Variants in EPHB3 observed in about 807,000 individuals in gnomAD.
EPHB3 encodes ephrin type-B receptor 3.
In EPHB3, 33 loss-of-function variants were observed where a neutral mutation model predicts 100.2. The ratio of observed to expected loss-of-function variants is 0.33; its 90% confidence interval spans 0.25 to 0.44. The LOEUF (loss-of-function observed/expected upper bound fraction) is 0.44, where lower values mean the gene tolerates loss of function less well. Among genes scored for constraint, EPHB3 ranks in the 20% least tolerant of loss-of-function variants. The pLI is 1.00. For synonymous variants in EPHB3, 526 were observed against 554.7 expected, an observed-to-expected ratio of 0.95 and a Z score of 0.73; for missense variants, 1,045 against 1,378.3, an observed-to-expected ratio of 0.76 and a Z score of 3.83.
At chr3:184,564,159 G>A (rs777167281) in intron 1 of EPHB3, among the ~76,000 whole-genome samples, 5 of 152,210 alleles carry the variant, frequency 3.3e-5, no homozygotes, top group Non-Finnish European at 5.9e-5. Context: ...CCGGGAAGAG[G>A]GGGCAGCAGG....
Position 184,580,447 on chromosome 3 carries a change from C to A in EPHB3, c.2218C>A (p.Arg740=). 1 of 1,614,194 alleles carries A rather than the reference C, an allele frequency of 6.2e-7. No homozygotes were observed. Among genetic ancestry groups the A allele is most frequent in the Non-Finnish European group, 8.5e-7 (1 of 1,180,024 alleles). The change falls in exon 12 of 16, where the codon CGG becomes AGG. Residue 740 remains arginine (R), a synonymous_variant. Transcript: ENST00000330394. The part of the protein sequence containing the change: ...FTVIQLVGML[R]GIAAGMKYLS... ...GGTCATCCAGCTGGTGGGCATGTTG[C>A]GGGGCATTGCTGCCGGCATGAAGTA...
intron 1 of EPHB3, among the ~76,000 whole-genome samples, chr3:184,568,319 GTCTAGGGTGGCCAGCCTC>G (rs1229001071): frequency 6.6e-6 from 1 of 152,188 alleles, no homozygotes; most frequent in Non-Finnish European, 1.5e-5. Flanking sequence ...ACAGCCCAGT[GTCTAGGGTGGCCAGCCTC>G]TTCTCCCCTC....
At position 184,573,637 on chromosome 3, in the gene EPHB3, GCA is replaced by G. The variant is rs1714597926; in HGVS notation, c.856+464_856+465del. Among the ~76,000 whole-genome samples the G allele has an allele frequency of 6.6e-6, 1 of 152,026 alleles. No individual in the cohort carries two copies. The highest frequency in any genetic ancestry group is 2.4e-5 in the African/African-American group (1 of 41,378). On this transcript the variant is annotated intron_variant, in intron 3 of 15. Transcript: ENST00000330394. The surrounding 1 kb of genome is among the most constrained non-coding windows in gnomAD (Gnocchi z 4.5). ...CCCCTTGGGAGGCAGTATATAAATG[GCA>G]CAGTGGTTAGGGGCCCAGTCCCTGA...
At position 184,570,223 on chromosome 3, in the gene EPHB3, G is replaced by A. The variant is rs148331770; in HGVS notation, c.119-1095G>A. Among the ~76,000 whole-genome samples, 309 of 152,296 alleles carry A rather than the reference G, an allele frequency of 2.0e-3. 4 individuals are homozygous for A. Among genetic ancestry groups the A allele is most frequent in the African/African-American group, 7.2e-3 (300 of 41,560 alleles). ...GGAAGGCTTCCTGGAGGAGGCAACA[G>A]CTCTGTTGGGACTTAAATGATAGGC... On this transcript the variant is annotated intron_variant, in intron 1 of 15. Transcript: ENST00000330394.
In EPHB3 at chr3:184,580,592, C is replaced by A. The variant is rs146519815; in HGVS notation, c.2363C>A (p.Ser788Tyr). 1 of 1,614,180 alleles carries A rather than the reference C, an allele frequency of 6.2e-7. No homozygotes were observed. The highest frequency in any genetic ancestry group is 8.5e-7 in the Non-Finnish European group (1 of 1,180,002). ...TCCCGCTTCCTGGAGGATGACCCCT[C>A]CGATCCTACCTACACCAGTTCCCTG... ...GLSRFLEDDPSDPTYTSSLGG... is the reference protein window; with the variant it reads ...GLSRFLEDDPYDPTYTSSLGG... Residue 788 changes from serine (S) to tyrosine (Y), a missense_variant, in exon 12 of 16, where the codon TCC (serine) becomes TAC (tyrosine). Coordinates refer to ENST00000330394, the MANE Select transcript of EPHB3 (RefSeq NM_004443.4).
intron 1 of EPHB3, among the ~76,000 whole-genome samples, chr3:184,564,929 T>C (rs962140576): frequency 3.9e-5 from 6 of 152,184 alleles, no homozygotes; most frequent in African/African-American, 9.6e-5. Flanking sequence ...TACCATTTGG[T>C]TTCGTCAGGA....
intron 1 of EPHB3, among the ~76,000 whole-genome samples, chr3:184,568,996 G>T (rs1334759802): frequency 3.3e-5 from 5 of 149,270 alleles, no homozygotes; most frequent in Admixed American, 2.6e-4. Context: ...CCCTCCCTCC[G>T]CTCCCTCCTC....
intron 4 of EPHB3, 70 bp from the exon 5 acceptor site, chr3:184,576,772 T>C: frequency 6.8e-7 from 1 of 1,460,346 alleles, no homozygotes; most frequent in Non-Finnish European, 9.2e-7. Context: ...TGGAGTGTGC[T>C]GGAACTCCGG....
chr3:184,568,747 C>G (rs954456850), intron 1 of EPHB3, among the ~76,000 whole-genome samples: 1 of 152,228 alleles, frequency 6.6e-6, no homozygotes, highest in East Asian at 1.9e-4. Flanking sequence ...GAGCACGCGG[C>G]CCCCTCCCCA....
chr3:184,574,690 C>T (rs1471753392), intron 3 of EPHB3, among the ~76,000 whole-genome samples: 1 of 152,180 alleles, frequency 6.6e-6, no homozygotes, highest in Non-Finnish European at 1.5e-5. Context: ...CTCCACTTCT[C>T]GATGGGAATC....
chr3:184,566,445 G>T (rs1714386824), intron 1 of EPHB3, among the ~76,000 whole-genome samples: 1 of 152,250 alleles, frequency 6.6e-6, no homozygotes. Context: ...GGCTGTGGCA[G>T]GAAAGGAGGA....
In EPHB3 at chr3:184,578,504, G is replaced by A; in HGVS notation, c.1801+38G>A. ...CCGCCGCCCTCCCCAAGCTCTCCCA[G>A]CCCCCTGCAGGGCTCTCAGACACCC... On this transcript the variant is annotated intron_variant, in intron 9 of 15. Transcript: ENST00000330394. This position sits in a 1 kb window ranked among gnomAD's most constrained non-coding sequence, Gnocchi z 4.7. 1.2e-6 allele frequency: 2 copies of A among 1,613,016 alleles called. No homozygotes were observed. The highest frequency in any genetic ancestry group is 1.7e-6 in the Non-Finnish European group (2 of 1,179,458).
In EPHB3 at chr3:184,581,241, T is replaced by G; in HGVS notation, c.2733-12T>G. 1 of 1,597,864 alleles carries G rather than the reference T, an allele frequency of 6.3e-7. No homozygotes were observed. The highest frequency in any genetic ancestry group is 8.5e-7 in the Non-Finnish European group (1 of 1,170,494). On this transcript the variant is annotated splice_polypyrimidine_tract_variant and intron_variant, in intron 14 of 15. Transcript: ENST00000330394. ...CTTCAAGACTCACCAGGTCCTTCTC[T>G]TCTTCCCACAGCATGTCACAGCCCC...
At position 184,562,062 on chromosome 3, in the gene EPHB3, C is replaced by T. The variant is rs930551477; in HGVS notation, c.-174C>T. Reference sequence around the variant, plus strand: ...AGGACCGCCGGGCTCGGTGCACCGCCTCGGTCCCGGAGCCGCCCGCCTGGA... The same window carrying T: ...AGGACCGCCGGGCTCGGTGCACCGCTTCGGTCCCGGAGCCGCCCGCCTGGA... On this transcript the variant is annotated 5_prime_UTR_variant, in exon 1 of 16. Transcript: ENST00000330394. The surrounding 1 kb of genome is among the most constrained non-coding windows in gnomAD (Gnocchi z 4.8). 1 of 167,482 alleles carries T rather than the reference C, an allele frequency of 6.0e-6. No individual in the cohort carries two copies. The highest frequency in any genetic ancestry group is 2.4e-5 in the African/African-American group (1 of 41,676). 10.4% of individuals were successfully genotyped at this position (167,482 alleles called of 1,614,324 possible).
rs184970361 is a variant in EPHB3, at chr3:184,578,446, C to T, written c.1781C>T (p.Thr594Met). The change falls in exon 9 of 16, where the codon ACG becomes ATG. Residue 594 changes from threonine to methionine, a missense_variant. Thr to Met is a moderately conservative substitution (Grantham distance 81). Transcript: ENST00000330394. The surrounding 1 kb of genome is among the most constrained non-coding windows in gnomAD (Gnocchi z 4.7). Reference sequence around the variant, plus strand: ...CGACACGGCTCTGATTCGGAGTACACGGAGAAGCTGCAGCAGTACAGTGAG... The same window carrying T: ...CGACACGGCTCTGATTCGGAGTACATGGAGAAGCTGCAGCAGTACAGTGAG... ...KQRHGSDSEY[T>M]EKLQQYIAPG... 1.9e-5 allele frequency: 30 copies of T among 1,613,922 alleles called. No individual in the cohort carries two copies. The highest frequency in any genetic ancestry group is 1.1e-4 in the African/African-American group (8 of 75,038).
chr3:184,566,029 G>C (rs6797404), intron 1 of EPHB3, among the ~76,000 whole-genome samples: 29 of 152,330 alleles, frequency 1.9e-4, no homozygotes, highest in Admixed American at 9.8e-4. Flanking sequence ...GGGCAGCTGG[G>C]GGGGGTGAAG....
Position 184,580,965 on chromosome 3 carries a change from G to C in EPHB3, c.2539-7G>C. The C allele has an allele frequency of 1.1e-5, 18 of 1,608,928 alleles. No individual in the cohort carries two copies. Among genetic ancestry groups the C allele is most frequent in the Non-Finnish European group, 1.5e-5 (18 of 1,175,960 alleles). On this transcript the variant is annotated splice_region_variant and splice_polypyrimidine_tract_variant and intron_variant, in intron 13 of 15. Transcript: ENST00000330394. ...GCTCACTCAGGGTTTCCCTGCCTTC[G>C]GCCCAGGTCATCAATGCCGTGGAGC...
chr3:184,580,669 G>A (rs1560064933), intron 12 of EPHB3, 52 bp downstream of exon 12: 3 of 1,609,082 alleles, frequency 1.9e-6, no homozygotes, highest in East Asian at 2.2e-5. Flanking sequence ...TCAGCCAGGG[G>A]CTCGGGCCTG....
intron 3 of EPHB3, 127 bp from the exon 4 acceptor site, chr3:184,575,703 C>A: frequency 3.3e-6 from 4 of 1,212,636 alleles, no homozygotes; most frequent in Non-Finnish European, 3.3e-6. Context: ...CCAGCATTGC[C>A]CCCACAGTCT....
Sources: allele counts gnomAD v4.1 joint callset (sites outside exome capture counted in the v4.1 genomes callset), GRCh38; gene constraint gnomAD v4.1.1; non-coding constraint Gnocchi (gnomAD v3.1); transcripts MANE v1.5; gene names NCBI Gene and HGNC (gene_info 2026-07-23, HGNC 2026-07-21).